MEIG1: variants seen among roughly 807,000 people sequenced by gnomAD.
The protein encoded by MEIG1 is meiosis expressed gene 1 protein homolog.
MEIG1 carries 12 observed loss-of-function variants against 11.3 expected under a neutral mutation model. The ratio of observed to expected loss-of-function variants is 1.07; its 90% CI spans 0.68 to 1.73. The LOEUF is 1.73. MEIG1 is among the 40% of genes most tolerant of loss of function. The probability of loss-of-function intolerance (pLI) is 0.00; values close to 1 mark genes in which losing one functional copy is unlikely to be tolerated. For missense variants in MEIG1, 119 were observed against 104.9 expected, an observed-to-expected ratio of 1.13 and a Z score of -0.59; for synonymous variants, 41 against 33.2, an observed-to-expected ratio of 1.24 and a Z score of -0.81.
upstream of MEIG1, among the ~76,000 whole-genome samples, chr10:14,958,114 G>C (rs1004716103): frequency 1.3e-5 from 2 of 152,220 alleles, no homozygotes; most frequent in African/African-American, 2.4e-5. Flanking sequence ...TATGGAAAGA[G>C]AGGGCTCTAG....
upstream of MEIG1, among the ~76,000 whole-genome samples, chr10:14,958,356 T>G (rs2131255242): frequency 6.6e-6 from 1 of 152,340 alleles, no homozygotes; most frequent in Non-Finnish European, 1.5e-5. Flanking sequence ...TATGACTCGT[T>G]TATTTAGAAG....
At chr10:14,977,515 G>T (rs543584801), downstream of MEIG1, among the ~76,000 whole-genome samples, 2 of 152,050 alleles carry the variant, frequency 1.3e-5, no homozygotes, top group South Asian at 2.1e-4. Flanking sequence ...GTCACAGGGG[G>T]TGTACACCCT....
chr10:14,963,039 G>A (rs565655974), intron 1 of MEIG1, among the ~76,000 whole-genome samples: 5 of 115,770 alleles, frequency 4.3e-5, no homozygotes, highest in Non-Finnish European at 9.5e-5. Context: ...TGGGATTACA[G>A]GCGTGAGCCA....
At chr10:14,960,769 G>A (rs553536115) in intron 1 of MEIG1, among the ~76,000 whole-genome samples, 1 of 152,080 alleles carries the variant, frequency 6.6e-6, no homozygotes, top group East Asian at 2.0e-4. Context: ...GCTCACCCCT[G>A]TAATCCCAGC....
chr10:14,964,591 A>G (rs61845581), intron 1 of MEIG1, among the ~76,000 whole-genome samples: 68,396 of 102,740 alleles, frequency 0.67, 22,153 homozygotes, highest in Admixed American at 0.69. Context: ...GTGTGTATAT[A>G]TATATATATA....
At chr10:14,984,856 G>A (rs1183540668) in intron 1 of MEIG1, among the ~76,000 whole-genome samples, 1 of 151,490 alleles carries the variant, frequency 6.6e-6, no homozygotes, top group Non-Finnish European at 1.5e-5. Context: ...CTATAGAAAT[G>A]TTACTCGTAA....
intron 1 of MEIG1, among the ~76,000 whole-genome samples, chr10:14,984,311 T>G (rs1270865462): frequency 6.6e-6 from 1 of 152,074 alleles, no homozygotes; most frequent in Non-Finnish European, 1.5e-5. Context: ...ACTACCACCC[T>G]TGGTTGACAT....
At chr10:14,977,910 A>T in intron 1 of MEIG1, among the ~76,000 whole-genome samples, 1 of 151,912 alleles carries the variant, frequency 6.6e-6, no homozygotes, top group East Asian at 1.9e-4. Context: ...TCCTAGAAAG[A>T]TGTTGCTGCT....
intron 1 of MEIG1, among the ~76,000 whole-genome samples, chr10:14,963,028 C>T (rs1459709284): frequency 6.8e-6 from 1 of 147,744 alleles, no homozygotes; most frequent in Non-Finnish European, 1.5e-5. Flanking sequence ...TCCCAGAGTG[C>T]TGGGATTACA....
At chr10:14,975,954 C>G (rs1363795698), downstream of MEIG1, among the ~76,000 whole-genome samples, 6 of 152,154 alleles carry the variant, frequency 3.9e-5, no homozygotes, top group Non-Finnish European at 5.9e-5. Context: ...GTGCACCCGT[C>G]TGTGACATAG....
chr10:14,971,293 A>G (rs7069211), intron 2 of MEIG1, among the ~76,000 whole-genome samples: 99,559 of 150,100 alleles, frequency 0.66, 33,226 homozygotes, highest in Admixed American at 0.69. Flanking sequence ...CACTTTGGGA[A>G]GCCAAGGTAG....
chr10:14,974,166 G>T (rs1324037288), downstream of MEIG1, among the ~76,000 whole-genome samples: 3 of 152,054 alleles, frequency 2.0e-5, no homozygotes, highest in Non-Finnish European at 4.4e-5. Context: ...TCTCTTTCAT[G>T]TGGGTCCATC....
chr10:14,954,809 C>T (rs1842894572), upstream of MEIG1, among the ~76,000 whole-genome samples: 1 of 152,084 alleles, frequency 6.6e-6, no homozygotes. Context: ...TTTGTTAAAC[C>T]TTTTATTGTA....
At chr10:14,979,234 C>G (rs1843240631) in intron 1 of MEIG1, among the ~76,000 whole-genome samples, 1 of 151,900 alleles carries the variant, frequency 6.6e-6, no homozygotes, top group East Asian at 1.9e-4. Context: ...AAAGATGTTA[C>G]TCCTAATGTC....
chr10:14,983,061 C>A (rs1232708539), intron 1 of MEIG1, among the ~76,000 whole-genome samples: 1 of 152,012 alleles, frequency 6.6e-6, no homozygotes, highest in Non-Finnish European at 1.5e-5. Flanking sequence ...AATATTATGC[C>A]TAATACCCCA....
chr10:14,983,094 T>C (rs182152372), intron 1 of MEIG1, among the ~76,000 whole-genome samples: 19 of 152,198 alleles, frequency 1.2e-4, no homozygotes, highest in African/African-American at 4.6e-4. Flanking sequence ...CCACCTGTGA[T>C]ATTGCTCCTA....
intron 1 of MEIG1, among the ~76,000 whole-genome samples, chr10:14,964,025 G>T (rs1407021202): frequency 6.6e-6 from 1 of 150,562 alleles, no homozygotes; most frequent in Non-Finnish European, 1.5e-5. Flanking sequence ...ATGAACCTGG[G>T]AAGTGGAGCT....
chr10:14,967,036 A>T (rs1490040096), intron 2 of MEIG1, among the ~76,000 whole-genome samples: 1 of 151,912 alleles, frequency 6.6e-6, no homozygotes, highest in African/African-American at 2.4e-5. Context: ...GCCCAGCCAG[A>T]CTCTCTCATC....
chr10:14,970,213 C>T (rs1452543615), intron 2 of MEIG1: 1 of 152,124 alleles, frequency 6.6e-6, no homozygotes, highest in African/African-American at 2.4e-5. Context: ...GGGGAAAGTC[C>T]TTGAACTTGA....
Sources: allele counts gnomAD v4.1 joint callset (sites outside exome capture counted in the v4.1 genomes callset), GRCh38; gene constraint gnomAD v4.1.1; transcripts MANE v1.5; gene names NCBI Gene and HGNC (gene_info 2026-07-23, HGNC 2026-07-21).